Variants in TXN observed in about 807,000 individuals in gnomAD.
TXN encodes the protein ADF.
Under a neutral mutation model 16.5 loss-of-function variants are expected in TXN, and 10 were observed. That is an observed-to-expected ratio of 0.61 (90% CI 0.37 to 1.03). The LOEUF is 1.03. Among genes scored for constraint, TXN ranks in the 50% least tolerant of loss-of-function variants. The pLI is 0.01. For missense variants in TXN, 71 were observed against 122.5 expected (o/e 0.58, Z 1.98); for synonymous variants, 35 against 39.4 (o/e 0.89, Z 0.42).
intron 4 of TXN, 58 bp from the exon 5 acceptor site, chr9:110,244,277 T>G: frequency 1.4e-6 from 1 of 731,108 alleles, no homozygotes. Flanking sequence ...GTTTTATACA[T>G]AAAATATGTA....
In TXN at chr9:110,250,795, G is replaced by A. The variant is rs1173748791; in HGVS notation, c.189+25C>T. 6 of 1,566,490 alleles carry A rather than the reference G, an allele frequency of 3.8e-6. No homozygotes were observed. In the South Asian group the frequency reaches 5.7e-5, roughly 15 times the overall value. The stretch of plus-strand genomic sequence containing the variant: ...AAAGGCCAATGTGAAAAGCTCAGCA[G>A]TATCTCATATTTCCAGCTACATACC... On this transcript the variant is annotated intron_variant, in intron 3 of 4. Coordinates refer to ENST00000374517, the MANE Select transcript of TXN (RefSeq NM_003329.4).
Position 110,251,931 on chromosome 9 carries a change from A to G in TXN, c.25-469T>C, listed in dbSNP as rs60156234. On this transcript the variant is annotated intron_variant, in intron 1 of 4. Coordinates refer to ENST00000374517, the MANE Select transcript of TXN (RefSeq NM_003329.4). ...GCAATTGAAACATCACAAGTTACTT[A>G]AAGATAAAAGTTGGCTGGGCATGGT... Among the ~76,000 whole-genome samples the G allele has an allele frequency of 7.8e-4, 119 of 152,290 alleles. 1 individual carries two copies. In the East Asian group the frequency reaches 0.022, roughly 28 times the overall value.
chr9:110,253,410 C>T (rs532247625), intron 1 of TXN, among the ~76,000 whole-genome samples: 1 of 152,094 alleles, frequency 6.6e-6, no homozygotes, highest in South Asian at 2.1e-4. Context: ...ACTTATTGTT[C>T]CAGATCAATT....
chr9:110,252,245 A>AAAAAAAAAAAAAAG lies in TXN; in HGVS notation c.25-784_25-783insCTTTTTTTTTTTTT, dbSNP rs199937630. 5.4e-4 allele frequency among the ~76,000 whole-genome samples: 74 copies of AAAAAAAAAAAAAAG among 136,172 alleles called. 1 individual carries two copies. Among genetic ancestry groups the AAAAAAAAAAAAAAG allele is most frequent in the East Asian group, 9.7e-4 (4 of 4,120 alleles). The allele number at this position is 136,172 out of a possible 152,430, so 89.3% of individuals were successfully genotyped here. ...TCGCAAAAAAAAAAAAAAAAAAAAA[A>AAAAAAAAAAAAAAG]GCTATGACTTTTGATTAAACTCATT... is the stretch of plus-strand genomic sequence containing the variant. On this transcript the variant is annotated intron_variant, in intron 1 of 4. Transcript: ENST00000374517.
chr9:110,244,233 A>G lies in TXN; in HGVS notation c.256-14T>C, dbSNP rs1359218750. 1 of 1,520,562 alleles carries G rather than the reference A, an allele frequency of 6.6e-7. No homozygotes were observed. The highest frequency in any genetic ancestry group is 2.0e-5 in the Admixed American group (1 of 50,034). The allele number at this position is 1,520,562 out of a possible 1,614,324, so 94.2% of individuals were successfully genotyped here. A position where few individuals can be genotyped will look rare whatever the true frequency, so the allele number is the denominator to read the frequency against. On this transcript the variant is annotated splice_polypyrimidine_tract_variant and intron_variant, in intron 4 of 4. Coordinates refer to ENST00000374517, the MANE Select transcript of TXN (RefSeq NM_003329.4). The stretch of plus-strand genomic sequence containing the variant: ...AAATTCACCCACCTGTTAAGAGAAT[A>G]TTGAATTGACATTAGACGTAGCACT...
At chr9:110,244,500 T>G (rs901268164) in intron 4 of TXN, among the ~76,000 whole-genome samples, 2 of 152,098 alleles carry the variant, frequency 1.3e-5, no homozygotes, top group African/African-American at 4.8e-5. Context: ...AGTACAAATT[T>G]TCTTTTACAC....
At chr9:110,252,770 G>T (rs867564418) in intron 1 of TXN, among the ~76,000 whole-genome samples, 1 of 152,070 alleles carries the variant, frequency 6.6e-6, no homozygotes, top group South Asian at 2.1e-4. Flanking sequence ...TCAGCCTCCT[G>T]AGTAGCTGGG....
intron 3 of TXN, among the ~76,000 whole-genome samples, chr9:110,245,602 T>TATATACAC (rs200327890): frequency 4.8e-5 from 3 of 62,502 alleles, no homozygotes; most frequent in African/African-American, 5.6e-5. Context: ...TGTATATATA[T>TATATACAC]ACACACACAC....
At chr9:110,251,586 C>CAAAAAAAAAAAAAA (rs5899890) in intron 1 of TXN, 124 bp from the exon 2 acceptor site, 2 of 55,866 alleles carry the variant, frequency 3.6e-5, no homozygotes, top group African/African-American at 1.1e-4. Flanking sequence ...ACTTTTTAGC[C>CAAAAAAAAAAAAAA]AAAAAAAAAA....
intron 3 of TXN, among the ~76,000 whole-genome samples, chr9:110,245,618 CTA>C (rs1170640168): frequency 0.014 from 436 of 30,878 alleles, 10 homozygotes; most frequent in African/African-American, 0.023. Context: ...CACACACACA[CTA>C]TATATATATA....
At chr9:110,255,259 A>AG (rs1837793237) in intron 1 of TXN, among the ~76,000 whole-genome samples, 1 of 152,186 alleles carries the variant, frequency 6.6e-6, no homozygotes, top group African/African-American at 2.4e-5. Flanking sequence ...GGCGCTGGCG[A>AG]GGGGTCTTCT....
At chr9:110,246,143 C>T (rs4135212) in intron 3 of TXN, among the ~76,000 whole-genome samples, 16,633 of 152,164 alleles carry the variant, frequency 0.11, 1,130 homozygotes, top group South Asian at 0.18. Context: ...TACAAGTTTC[C>T]CCATCAACCC....
At chr9:110,253,815 G>A (rs1837771542) in intron 1 of TXN, among the ~76,000 whole-genome samples, 1 of 152,124 alleles carries the variant, frequency 6.6e-6, no homozygotes, top group African/African-American at 2.4e-5. Context: ...GTATTACTAA[G>A]AAGAAATCAC....
intron 3 of TXN, among the ~76,000 whole-genome samples, chr9:110,247,801 AAGACAGTTACTATACAAC>A (rs1837677681): frequency 6.6e-6 from 1 of 152,232 alleles, no homozygotes; most frequent in South Asian, 2.1e-4. Flanking sequence ...TTTTTTTAAA[AAGACAGTTACTATACAAC>A]AGGCTCAGGC....
intron 1 of TXN, among the ~76,000 whole-genome samples, chr9:110,252,231 A>G (rs965841770): frequency 7.3e-5 from 11 of 149,814 alleles, no homozygotes; most frequent in East Asian, 2.0e-4. Context: ...CGCAAAAAAA[A>G]AAAAAAAAAA....
In TXN at chr9:110,250,844, A is replaced by C; in HGVS notation, c.165T>G (p.Leu55=). 1 of 1,610,528 alleles carries C rather than the reference A, an allele frequency of 6.2e-7. No homozygotes were observed. The highest frequency in any genetic ancestry group is 8.5e-7 in the Non-Finnish European group (1 of 1,179,148). ...LSEKYSNVIF[L]EVDVDDCQDV... ...CCTGACAGTCATCCACATCTACTTCAAGGAATATCACGTTGGAATACTTTT... is the reference window on the plus strand; with the variant it reads ...CCTGACAGTCATCCACATCTACTTCCAGGAATATCACGTTGGAATACTTTT... Residue 55 remains leucine, a synonymous_variant, in exon 3 of 5, where the codon CTT becomes CTG. Coordinates refer to ENST00000374517, the MANE Select transcript of TXN (RefSeq NM_003329.4).
chr9:110,255,734 C>T (rs574283826), intron 1 of TXN, among the ~76,000 whole-genome samples: 2 of 152,210 alleles, frequency 1.3e-5, no homozygotes, highest in Non-Finnish European at 2.9e-5. Context: ...CAGACCTGCA[C>T]GTGCCAGGGG....
At chr9:110,251,834 T>C (rs4135191) in intron 1 of TXN, among the ~76,000 whole-genome samples, 7,711 of 152,192 alleles carry the variant, frequency 0.051, 296 homozygotes, top group African/African-American at 0.1. Flanking sequence ...AGGCTAGGTA[T>C]ATGGTAGACA....
intron 1 of TXN, among the ~76,000 whole-genome samples, chr9:110,254,167 T>C (rs1279736950): frequency 6.6e-6 from 1 of 152,226 alleles, no homozygotes; most frequent in African/African-American, 2.4e-5. Flanking sequence ...AGAATTGTTC[T>C]GAATGGCAAA....
Sources: allele counts gnomAD v4.1 joint callset (sites outside exome capture counted in the v4.1 genomes callset), GRCh38; gene constraint gnomAD v4.1.1; transcripts MANE v1.5; gene names NCBI Gene and HGNC (gene_info 2026-07-23, HGNC 2026-07-21).